ATP8A2: variants seen among roughly 807,000 people sequenced by gnomAD.
ATP8A2 encodes the protein phospholipid-transporting ATPase IB.
A neutral mutation model predicts 165.6 loss-of-function variants in ATP8A2; 100 were observed. The ratio of observed to expected loss-of-function variants is 0.60; its 90% CI spans 0.51 to 0.71. The LOEUF (loss-of-function observed/expected upper bound fraction) is 0.71. ATP8A2 is among the 30% of genes least tolerant of loss of function. The pLI is 0.00. For missense variants in ATP8A2, 1,227 were observed against 1,479.5 expected (o/e 0.83, Z 2.80); for synonymous variants, 543 against 548.8 (o/e 0.99, Z 0.15).
intron 30 of ATP8A2, 47 bp downstream of exon 30, chr13:25,839,671 C>T (rs368996059): frequency 6.7e-7 from 1 of 1,481,510 alleles, no homozygotes; most frequent in Non-Finnish European, 9.4e-7. Context: ...TTTGCAGCCG[C>T]TCTGCTGCCT....
chr13:25,979,513 T>C (rs1956135487), intron 35 of ATP8A2, among the ~76,000 whole-genome samples: 1 of 152,210 alleles, frequency 6.6e-6, no homozygotes, highest in Non-Finnish European at 1.5e-5. Context: ...ATTCTCTTTC[T>C]CTGGCAATTA....
chr13:25,616,715 A>G (rs951854969), intron 24 of ATP8A2, among the ~76,000 whole-genome samples: 1 of 152,094 alleles, frequency 6.6e-6, no homozygotes, highest in Admixed American at 6.6e-5. Context: ...TGGAGAGGAG[A>G]TGATACTTCT....
intron 2 of ATP8A2, among the ~76,000 whole-genome samples, chr13:25,519,374 A>ATT (rs144981491): frequency 0.012 from 1,772 of 147,220 alleles, 32 homozygotes; most frequent in African/African-American, 0.041. Context: ...TATGTGTTCT[A>ATT]TTTTTTTTTT....
At chr13:25,991,723 C>T (rs1015448874) in intron 35 of ATP8A2, among the ~76,000 whole-genome samples, 10 of 152,198 alleles carry the variant, frequency 6.6e-5, no homozygotes, top group East Asian at 1.9e-4. Flanking sequence ...GCATGTACCA[C>T]GCGTTGCTTG....
rs552314671 is a variant in ATP8A2 at position 25,415,481 on chromosome 13, G to C, written c.76+43193G>C. On this transcript the variant is annotated intron_variant, in intron 1 of 36. Transcript: ENST00000381655. ...TTTATTCTCTAGCCTACAGCAGATT[G>C]AGCCTTTGAAGATTTCATCAGATCA... Among the ~76,000 whole-genome samples, 5 of 152,306 alleles carry C rather than the reference G, an allele frequency of 3.3e-5. No individual in the cohort carries two copies. In the East Asian group the frequency reaches 9.7e-4, roughly 29 times the overall value.
intron 34 of ATP8A2, among the ~76,000 whole-genome samples, chr13:25,962,794 G>C (rs1955687541): frequency 6.6e-6 from 1 of 152,138 alleles, no homozygotes; most frequent in Non-Finnish European, 1.5e-5. Flanking sequence ...TTGCCTGACA[G>C]TTATGGAAGT....
chr13:25,720,167 C>CT lies in ATP8A2; in HGVS notation c.2384+20840dup, dbSNP rs1007404557. Among the ~76,000 whole-genome samples the CT allele has an allele frequency of 6.1e-3, 718 of 117,252 alleles. 16 individuals are homozygous for CT. The highest frequency in any genetic ancestry group is 0.022 in the South Asian group (84 of 3,748). The allele number at this position is 117,252 out of a possible 152,430, so 76.9% of individuals were successfully genotyped here. ...GACCTCCGATAAATGTATACTTTTT[C>CT]TTTTTTTTTTTTTTTTTTGAGAAGG... On this transcript the variant is annotated intron_variant, in intron 25 of 36. Coordinates refer to ENST00000381655, the MANE Select transcript of ATP8A2 (RefSeq NM_016529.6).
At chr13:25,703,163 T>G (rs937264207) in intron 25 of ATP8A2, among the ~76,000 whole-genome samples, 2 of 152,162 alleles carry the variant, frequency 1.3e-5, no homozygotes, top group Non-Finnish European at 2.9e-5. Context: ...CACTGCAACC[T>G]CTACCTCCCA....
intron 7 of ATP8A2, among the ~76,000 whole-genome samples, chr13:25,539,043 G>C (rs1237768482): frequency 6.7e-6 from 1 of 150,036 alleles, no homozygotes; most frequent in Non-Finnish European, 1.5e-5. Flanking sequence ...AGTCTTGGCT[G>C]TGACCTTAGA....
chr13:25,885,305 G>A (rs59428664), intron 33 of ATP8A2, among the ~76,000 whole-genome samples: 2,432 of 151,876 alleles, frequency 0.016, 62 homozygotes, highest in African/African-American at 0.055. Context: ...TAGAGATGGC[G>A]TTTCACCATG....
At chr13:25,695,144 T>TC (rs1465595645) in intron 24 of ATP8A2, among the ~76,000 whole-genome samples, 1 of 152,056 alleles carries the variant, frequency 6.6e-6, no homozygotes, top group Non-Finnish European at 1.5e-5. Flanking sequence ...TTTTTTTTTT[T>TC]TGGTTTTCCA....
chr13:26,015,571 G>T (rs2139368301), intron 36 of ATP8A2, among the ~76,000 whole-genome samples: 1 of 152,114 alleles, frequency 6.6e-6, no homozygotes, highest in African/African-American at 2.4e-5. Context: ...TGCTACTTAA[G>T]GGGAGTTTTA....
At chr13:25,858,228 T>A (rs1429441588) in intron 30 of ATP8A2, among the ~76,000 whole-genome samples, 1 of 152,234 alleles carries the variant, frequency 6.6e-6, no homozygotes, top group African/African-American at 2.4e-5. Flanking sequence ...TTTGAGTAAC[T>A]ATTTGCTAAT....
chr13:25,763,304 C>T (rs988119563), intron 25 of ATP8A2, among the ~76,000 whole-genome samples: 1 of 152,190 alleles, frequency 6.6e-6, no homozygotes, highest in Non-Finnish European at 1.5e-5. Flanking sequence ...CTTGGTCAAA[C>T]ACTGCATTCT....
At chr13:25,813,931 A>T in intron 27 of ATP8A2, among the ~76,000 whole-genome samples, 1 of 152,150 alleles carries the variant, frequency 6.6e-6, no homozygotes. Flanking sequence ...CTGCCTTCAA[A>T]CTGGTACATC....
At chr13:25,883,114 C>T (rs1259453772) in intron 33 of ATP8A2, among the ~76,000 whole-genome samples, 1 of 152,160 alleles carries the variant, frequency 6.6e-6, no homozygotes, top group African/African-American at 2.4e-5. Flanking sequence ...AGGAGTGGGG[C>T]TGGGCTCTGA....
At chr13:25,686,171 A>T (rs191119907) in intron 24 of ATP8A2, among the ~76,000 whole-genome samples, 1 of 152,200 alleles carries the variant, frequency 6.6e-6, no homozygotes, top group Admixed American at 6.5e-5. Context: ...GAGGGAGGGA[A>T]CCAGGAACTC....
At chr13:25,453,002 G>A (rs2035268928) in intron 1 of ATP8A2, among the ~76,000 whole-genome samples, 1 of 151,934 alleles carries the variant, frequency 6.6e-6, no homozygotes, top group Non-Finnish European at 1.5e-5. Context: ...GGCTGAGGCA[G>A]GAGAATCGCT....
chr13:25,480,020 C>T lies in ATP8A2; in HGVS notation c.221+10899C>T, dbSNP rs1422235913. Among the ~76,000 whole-genome samples the T allele has an allele frequency of 4.2e-4, 64 of 152,298 alleles. 1 individual carries two copies. Among genetic ancestry groups the T allele is most frequent in the African/African-American group, 1.1e-3 (44 of 41,560 alleles). On this transcript the variant is annotated intron_variant, in intron 2 of 36. Coordinates refer to ENST00000381655, the MANE Select transcript of ATP8A2 (RefSeq NM_016529.6). ...TGAGCTGTTGGGCACACCTCCCGGA[C>T]GGGGTGGTGGCCAGGCAGAGGGGCT...
Sources: gnomAD v4.1 joint callset for allele counts (sites outside exome capture counted in the v4.1 genomes callset) on GRCh38, gnomAD v4.1.1 for gene constraint, MANE v1.5 for transcripts, NCBI Gene and HGNC (gene_info 2026-07-23, HGNC 2026-07-21) for gene names.